The following UGT2B4 variants were observed in gnomAD, a reference collection of about 807,000 sequenced individuals.
UGT2B4 encodes UDP-glucuronosyltransferase 2B4.
UGT2B4 carries 49 observed loss-of-function variants against 49.8 expected under a neutral mutation model. The ratio of observed to expected loss-of-function variants is 0.98; its 90% CI spans 0.78 to 1.25. UGT2B4 has a LOEUF of 1.25. Among genes scored for constraint, UGT2B4 ranks in the 50% most tolerant of loss-of-function variants. The pLI, the probability that UGT2B4 is intolerant of heterozygous loss-of-function variation, is 0.00. For missense variants in UGT2B4, 729 were observed against 627.7 expected, an observed-to-expected ratio of 1.16 and a Z score of -1.73; for synonymous variants, 246 against 217.7, an observed-to-expected ratio of 1.13 and a Z score of -1.14.
In UGT2B4 at chr4:69,480,477, A is replaced by T; in HGVS notation, c.*157T>A. 1 of 1,109,124 alleles carries T rather than the reference A, an allele frequency of 9.0e-7. No individual in the cohort carries two copies. Among genetic ancestry groups the T allele is most frequent in the Non-Finnish European group, 1.3e-6 (1 of 791,616 alleles). The allele number at this position is 1,109,124 out of a possible 1,614,324, so 68.7% of individuals were successfully genotyped here. On this transcript the variant is annotated 3_prime_UTR_variant, in exon 6 of 6. Transcript: ENST00000305107. ...TTGACATGAAATATTTCTAATGGTT[A>T]AACAGGTACTAAAACAAATTTTGAC...
intron 5 of UGT2B4, among the ~76,000 whole-genome samples, chr4:69,484,442 A>G (rs1727703129): frequency 1.3e-5 from 2 of 152,206 alleles, no homozygotes; most frequent in Admixed American, 1.3e-4. Context: ...ATATTGCTGC[A>G]AAAATAAATG....
rs115645862 is a variant in UGT2B4, at chr4:69,525,635, C to T, written c.-106+52G>A. 1.5e-3 allele frequency: 1,712 copies of T among 1,171,942 alleles called. 34 individuals carry two copies. In the African/African-American group the frequency reaches 0.026, roughly 18 times the overall value. The allele number at this position is 1,171,942 out of a possible 1,614,324, so 72.6% of individuals were successfully genotyped here. A position where few individuals can be genotyped will look rare whatever the true frequency, so the allele number is the denominator to read the frequency against. ...TAGATTATCTACTCAGGTATCTATG[C>T]ACCTGCCATTTTTTCACATTACACA... On this transcript the variant is annotated intron_variant, in intron 1 of 1. Coordinates refer to the UGT2B4 transcript ENST00000510114.
chr4:69,486,585 A>C, intron 4 of UGT2B4, 24 bp downstream of exon 4: 2 of 1,472,486 alleles, frequency 1.4e-6, no homozygotes, highest in Non-Finnish European at 1.9e-6. Flanking sequence ...TAATATATTC[A>C]GTATTTGTTC....
intron 1 of UGT2B4, among the ~76,000 whole-genome samples, chr4:69,520,912 G>A (rs1728836561): frequency 1.3e-5 from 2 of 152,302 alleles, no homozygotes; most frequent in South Asian, 2.1e-4. Flanking sequence ...GGGCTGATAT[G>A]TCAGTTGAAG....
intron 2 of UGT2B4, among the ~76,000 whole-genome samples, chr4:69,491,235 T>C (rs1727976804): frequency 6.6e-6 from 1 of 152,106 alleles, no homozygotes; most frequent in African/African-American, 2.4e-5. Flanking sequence ...TACCTCACTT[T>C]ACTTGTATTA....
intron 1 of UGT2B4, among the ~76,000 whole-genome samples, chr4:69,521,095 A>T (rs1728840369): frequency 6.6e-6 from 1 of 152,110 alleles, no homozygotes; most frequent in Admixed American, 6.5e-5. Flanking sequence ...GGAGCTACCC[A>T]CTTAGGGTCT....
intron 1 of UGT2B4, among the ~76,000 whole-genome samples, chr4:69,524,552 T>A (rs554066661): frequency 6.6e-6 from 1 of 152,152 alleles, no homozygotes; most frequent in South Asian, 2.1e-4. Context: ...CAGCTCAACA[T>A]AAGGAATATA....
chr4:69,486,860 A>C (rs1005909057), intron 3 of UGT2B4, among the ~76,000 whole-genome samples, 164 bp from the exon 4 acceptor site: 7 of 152,228 alleles, frequency 4.6e-5, no homozygotes, highest in African/African-American at 1.7e-4. Context: ...CCTTAATTTC[A>C]TAATTAGGTA....
chr4:69,518,154 G>A (rs1728773836), intron 1 of UGT2B4: 1 of 153,060 alleles, frequency 6.5e-6, no homozygotes, highest in African/African-American at 2.4e-5. Flanking sequence ...AATTCACTTT[G>A]TCATGTGGCA....
intron 1 of UGT2B4, among the ~76,000 whole-genome samples, chr4:69,521,047 A>C (rs1228725129): frequency 2.0e-5 from 3 of 152,188 alleles, no homozygotes; most frequent in Non-Finnish European, 4.4e-5. Context: ...AGATACAGTC[A>C]GACTCTAACA....
At chr4:69,500,666 A>AAAGAAAGAAAGGAAGG (rs1444201529), upstream of UGT2B4, among the ~76,000 whole-genome samples, 136 of 113,818 alleles carry the variant, frequency 1.2e-3, no homozygotes, top group Non-Finnish European at 2.1e-3. Flanking sequence ...AGAAAGAAAG[A>AAAGAAAGAAAGGAAGG]AAGGAAGGAA....
At chr4:69,498,813 C>T (rs1356274842), upstream of UGT2B4, among the ~76,000 whole-genome samples, 2 of 151,764 alleles carry the variant, frequency 1.3e-5, no homozygotes, top group Non-Finnish European at 2.9e-5. Flanking sequence ...TTTCAAGAAA[C>T]AGCTCCTGGA....
Position 69,489,689 on chromosome 4 carries a change from TG to T in UGT2B4, c.871-120del, listed in dbSNP as rs1407618264. The stretch of plus-strand genomic sequence containing the variant: ...TATCAGGAATTATTGGAGTAAAGGA[TG>T]TTTTTTAACTGACTCAATTACTCAG... On this transcript the variant is annotated intron_variant, in intron 2 of 5. Coordinates refer to ENST00000305107, the MANE Select transcript of UGT2B4 (RefSeq NM_021139.3). 1.2e-5 allele frequency: 17 copies of T among 1,421,144 alleles called. No homozygotes were observed. In the East Asian group the frequency reaches 3.2e-4, roughly 27 times the overall value. 88.0% of individuals were successfully genotyped at this position (1,421,144 alleles called of 1,614,324 possible). A position where few individuals can be genotyped will look rare whatever the true frequency, so the allele number is the denominator to read the frequency against.
At chr4:69,485,033 T>A (rs992674721) in intron 5 of UGT2B4, among the ~76,000 whole-genome samples, 175 bp downstream of exon 5, 1 of 152,158 alleles carries the variant, frequency 6.6e-6, no homozygotes, top group Admixed American at 6.6e-5. Flanking sequence ...TAAATGTATG[T>A]GGTTCAAATA....
intron 1 of UGT2B4, among the ~76,000 whole-genome samples, chr4:69,521,219 G>C (rs541674303): frequency 1.3e-5 from 2 of 152,300 alleles, no homozygotes; most frequent in Admixed American, 1.3e-4. Context: ...ACCACCTAAT[G>C]GTGGGACTGA....
Position 69,495,435 on chromosome 4 carries a change from A to C in UGT2B4, c.427T>G (p.Ser143Ala). 1 of 1,613,594 alleles carries C rather than the reference A, an allele frequency of 6.2e-7. No homozygotes were observed. The highest frequency in any genetic ancestry group is 8.5e-7 in the Non-Finnish European group (1 of 1,179,872). Residue 143 changes from serine to alanine, a missense_variant, in exon 1 of 6, where the codon TCA (serine) becomes GCA (alanine). Ser to Ala is a moderately conservative substitution (Grantham distance 99, BLOSUM62 1). Coordinates refer to ENST00000305107, the MANE Select transcript of UGT2B4 (RefSeq NM_021139.3). ...NKKLMKKLQE[S>A]RFDVVLADAV... ...TCTGCAAGAACAACATCAAATCTTG[A>C]CTCCTGTAGTTTCTTCATAAGTTTC... is the stretch of plus-strand genomic sequence containing the variant.
At chr4:69,500,658 A>AAAGAAAGAAAGAAAGAAAGG, upstream of UGT2B4, among the ~76,000 whole-genome samples, 3 of 118,738 alleles carry the variant, frequency 2.5e-5, no homozygotes, top group South Asian at 8.0e-4. Flanking sequence ...AGAAAGAAAG[A>AAAGAAAGAAAGAAAGAAAGG]AAGAAAGAAA....
intron 5 of UGT2B4, among the ~76,000 whole-genome samples, chr4:69,482,067 C>T (rs1053411895): frequency 2.0e-5 from 3 of 152,132 alleles, no homozygotes; most frequent in African/African-American, 7.2e-5. Flanking sequence ...CTTCTAGGGA[C>T]ATTGGCCTTA....
rs558607262 is a variant in UGT2B4, at chr4:69,480,870, C to G, written c.1351G>C (p.Asp451His). The change falls in exon 6 of 6, where the codon GAT becomes CAT. Residue 451 changes from aspartate to histidine, a missense_variant. Physicochemically the swap from Asp to His is moderately conservative, Grantham distance 81 (BLOSUM62 -1). Transcript: ENST00000305107. ...CGATCAAGGGGCTTCACTGGTTGAT[C>G]ATGATGAATTCTTGATAATTTCATA... ...NAMKLSRIHH[D>H]QPVKPLDRAV... 3.7e-6 allele frequency: 6 copies of G among 1,613,774 alleles called. No individual in the cohort carries two copies. The South Asian group carries it at 6.6e-5, about 18-fold the overall frequency.
Sources: allele counts gnomAD v4.1 joint callset (sites outside exome capture counted in the v4.1 genomes callset), GRCh38; gene constraint gnomAD v4.1.1; transcripts MANE v1.5; gene names NCBI Gene and HGNC (gene_info 2026-07-23, HGNC 2026-07-21).